Variants in HTR3A observed in about 807,000 individuals in gnomAD.
HTR3A encodes the protein 5-hydroxytryptamine (serotonin) receptor 3A, ionotropic.
In HTR3A, 45 loss-of-function variants were observed where a neutral mutation model predicts 54.8. The ratio of observed to expected loss-of-function variants is 0.82; its 90% CI spans 0.65 to 1.05. The LOEUF (loss-of-function observed/expected upper bound fraction) is 1.05. Among genes scored for constraint, HTR3A ranks in the 50% least tolerant of loss-of-function variants. The probability of loss-of-function intolerance (pLI) is 0.00; values close to 1 mark genes in which losing one functional copy is unlikely to be tolerated. For synonymous variants in HTR3A, 297 were observed against 256.0 expected (o/e 1.16, Z -1.53); for missense variants, 657 against 614.0 (o/e 1.07, Z -0.74).
chr11:113,980,952 G>A (rs985467814), intron 3 of HTR3A: 13 of 509,374 alleles, frequency 2.6e-5, no homozygotes, highest in South Asian at 1.1e-4. Flanking sequence ...CACAGCATTC[G>A]AAATGACTGA....
intron 8 of HTR3A, among the ~76,000 whole-genome samples, chr11:113,987,795 C>A (rs1950510167): frequency 6.6e-6 from 1 of 152,164 alleles, no homozygotes; most frequent in Non-Finnish European, 1.5e-5. Context: ...ATTTCAAACA[C>A]CTATGAGGCA....
At chr11:113,986,203 G>T in intron 6 of HTR3A, 28 bp downstream of exon 6, 1 of 1,613,660 alleles carries the variant, frequency 6.2e-7, no homozygotes. Flanking sequence ...TGGGTAAAAT[G>T]GTGAATAAAG....
chr11:113,983,421 C>A, intron 5 of HTR3A, 132 bp downstream of exon 5: 1 of 900,374 alleles, frequency 1.1e-6, no homozygotes, highest in Non-Finnish European at 1.8e-6. Flanking sequence ...GCTTCCTCAT[C>A]CTCTGCATGA....
Position 113,989,679 on chromosome 11 carries a change from G to A in HTR3A, c.1353G>A (p.Lys451=). Reference sequence around the variant, plus strand: ...TGCGCGTGGGCTCCGTGCTGGACAAGCTGCTATTCCACATTTACCTGCTAG... The same window carrying A: ...TGCGCGTGGGCTCCGTGCTGGACAAACTGCTATTCCACATTTACCTGCTAG... ...DWLRVGSVLD[K]LLFHIYLLAV... Residue 451 remains lysine, a synonymous_variant, in exon 9 of 9, where the codon AAG becomes AAA. Coordinates refer to ENST00000504030, the MANE Select transcript of HTR3A (RefSeq NM_000869.6). This position sits in a 1 kb window ranked among gnomAD's most constrained non-coding sequence, Gnocchi z 4.4. The A allele has an allele frequency of 6.2e-7, 1 of 1,614,194 alleles. No homozygotes were observed. Among genetic ancestry groups the A allele is most frequent in the South Asian group, 1.1e-5 (1 of 91,084 alleles).
Position 113,986,570 on chromosome 11 carries a change from G to T in HTR3A, c.758G>T (p.Ser253Ile). 1 of 1,613,198 alleles carries T rather than the reference G, an allele frequency of 6.2e-7. No homozygotes were observed. Among genetic ancestry groups the T allele is most frequent in the Non-Finnish European group, 8.5e-7 (1 of 1,180,022 alleles). Residue 253 changes from serine to isoleucine, a missense_variant, in exon 7 of 9, where the codon AGC becomes ATC. By Grantham distance (142) the Ser-to-Ile change is moderately radical. Coordinates refer to ENST00000504030, the MANE Select transcript of HTR3A (RefSeq NM_000869.6). ...LFYVVSLLLP[S>I]IFLMVMDIVG... The stretch of plus-strand genomic sequence containing the variant: ...TATGTGGTCAGCCTGCTACTGCCCA[G>T]CATCTTCCTCATGGTCATGGACATC...
Position 113,975,267 on chromosome 11 carries a change from GC to G in HTR3A, c.-56del, listed in dbSNP as rs1950338416. ...AGGTTGGCAGAGGGCAGGCAAGCTG[GC>G]CCTTGGTGGGCCTCGTCCTGAGCAC... On this transcript the variant is annotated 5_prime_UTR_variant, in exon 1 of 9. The change abolishes the stop of an existing upstream ORF in the 5' untranslated region. Transcript: ENST00000504030. 1 of 1,573,152 alleles carries G rather than the reference GC, an allele frequency of 6.4e-7. No individual in the cohort carries two copies. The highest frequency in any genetic ancestry group is 1.3e-5 in the African/African-American group (1 of 74,222).
chr11:113,987,151 C>T, intron 8 of HTR3A, 105 bp downstream of exon 8: 3 of 1,165,168 alleles, frequency 2.6e-6, no homozygotes, highest in Middle Eastern at 2.0e-4. Context: ...CTGTACTGCA[C>T]ATGGCATCCC....
At chr11:113,987,072 T>C (rs1186079987) in intron 8 of HTR3A, 26 bp downstream of exon 8, 2 of 1,608,724 alleles carry the variant, frequency 1.2e-6, no homozygotes, top group South Asian at 1.1e-5. Flanking sequence ...GAAGAGTCCA[T>C]ACAGAGGGGC....
chr11:113,977,851 C>T lies in HTR3A; in HGVS notation c.148C>T (p.Arg50Cys), dbSNP rs561794187. ...TTTGACCAACTACAGGAAGGGTGTGCGCCCCGTGAGGGACTGGAGGAAGCC... is the reference window on the plus strand; with the variant it reads ...TTTGACCAACTACAGGAAGGGTGTGTGCCCCGTGAGGGACTGGAGGAAGCC... ...YLLTNYRKGVRPVRDWRKPTT... is the reference protein window; with the variant it reads ...YLLTNYRKGVCPVRDWRKPTT... Residue 50 changes from arginine to cysteine, a missense_variant, in exon 2 of 9, where the codon CGC (arginine) becomes TGC (cysteine). Physicochemically the swap from Arg to Cys is radical, Grantham distance 180 (BLOSUM62 -3). Transcript: ENST00000504030. The T allele has an allele frequency of 1.6e-5, 26 of 1,614,094 alleles. No individual in the cohort carries two copies. Among genetic ancestry groups the T allele is most frequent in the Non-Finnish European group, 1.8e-5 (21 of 1,180,008 alleles).
intron 3 of HTR3A, among the ~76,000 whole-genome samples, chr11:113,980,874 A>G (rs1407409187): frequency 2.6e-5 from 4 of 152,272 alleles, no homozygotes; most frequent in Non-Finnish European, 4.4e-5. Context: ...TGATCTCCAT[A>G]TAAATATGTT....
chr11:113,988,112 A>G (rs1422014632), intron 8 of HTR3A, among the ~76,000 whole-genome samples: 1 of 151,646 alleles, frequency 6.6e-6, no homozygotes, highest in Non-Finnish European at 1.5e-5. Flanking sequence ...TCTCCACTCC[A>G]CTCCCCTTTG....
intron 5 of HTR3A, 106 bp downstream of exon 5, chr11:113,983,395 A>G: frequency 8.6e-7 from 1 of 1,167,330 alleles, no homozygotes; most frequent in East Asian, 2.3e-5. Context: ...CCAGCCTACT[A>G]ATGCCCTGGG....
At chr11:113,986,230 A>C (rs1950489963) in intron 6 of HTR3A, 55 bp downstream of exon 6, 2 of 1,604,134 alleles carry the variant, frequency 1.2e-6, no homozygotes, top group African/African-American at 2.7e-5. Context: ...ATCCAGGTAG[A>C]CTTAAGGAGG....
In HTR3A at chr11:113,987,003, GC is replaced by G. The variant is rs781300705; in HGVS notation, c.1100del (p.Pro367GlnfsTer93). The G allele has an allele frequency of 6.2e-7, 1 of 1,613,908 alleles. No homozygotes were observed. Among genetic ancestry groups the G allele is most frequent in the South Asian group, 1.1e-5 (1 of 91,080 alleles). ...CLREQSTSQR[P>X]PATSQATKTD... ...TGAGGGAGCAGTCAACTTCCCAGAG[GC>G]CCCCAGCCACCTCCCAAGCCACCAA... On this transcript the variant is annotated frameshift_variant, in exon 8 of 9. Coordinates refer to ENST00000504030, the MANE Select transcript of HTR3A (RefSeq NM_000869.6). LOFTEE classifies it high-confidence loss of function.
At chr11:113,983,379 A>T in intron 5 of HTR3A, 90 bp downstream of exon 5, 1 of 1,367,592 alleles carries the variant, frequency 7.3e-7, no homozygotes, top group Non-Finnish European at 1.0e-6. Context: ...GCGCCTTCTC[A>T]CGTATCCAGC....
rs758404468 is a variant in HTR3A, at chr11:113,977,935, C to T, written c.219+13C>T. The T allele has an allele frequency of 1.9e-6, 3 of 1,614,160 alleles. No homozygotes were observed. The South Asian group carries it at 3.3e-5, about 18-fold the overall frequency. On this transcript the variant is annotated intron_variant, in intron 2 of 8. Coordinates refer to ENST00000504030, the MANE Select transcript of HTR3A (RefSeq NM_000869.6). ...CATCCTCAACGTGGTGAGGCTCAGC[C>T]CCGAGCTGCACACAGGCAGACCTTT...
intron 5 of HTR3A, among the ~76,000 whole-genome samples, chr11:113,985,781 G>A (rs144333616): frequency 1.3e-5 from 2 of 152,078 alleles, no homozygotes; most frequent in East Asian, 1.9e-4. Context: ...TCTTTGCACC[G>A]TGCATTTTCA....
chr11:113,990,236 CT>C lies in HTR3A; in HGVS notation c.*475del, dbSNP rs908891623. 3 of 454,324 alleles carry C rather than the reference CT, an allele frequency of 6.6e-6. No individual in the cohort carries two copies. In the Admixed American group the frequency reaches 7.1e-5, roughly 11 times the overall value. The allele number at this position is 454,324 out of a possible 1,614,324, so 28.1% of individuals were successfully genotyped here. ...TAGTGTCTTTTTTTTCTTCACCTCA[CT>C]TGTGGCAGCTTCCCTGAACACTCAT... On this transcript the variant is annotated 3_prime_UTR_variant, in exon 9 of 9. Transcript: ENST00000504030.
rs1228678724 is a variant in HTR3A, at chr11:113,983,105, C to A, written c.375-15C>A. 1 of 1,614,186 alleles carries A rather than the reference C, an allele frequency of 6.2e-7. No individual in the cohort carries two copies. Among genetic ancestry groups the A allele is most frequent in the East Asian group, 2.2e-5 (1 of 44,884 alleles). On this transcript the variant is annotated splice_polypyrimidine_tract_variant and intron_variant, in intron 4 of 8. Coordinates refer to ENST00000504030, the MANE Select transcript of HTR3A (RefSeq NM_000869.6). ...GTCTCTTGAGCTCCCAAACTAACCC[C>A]TTTTCCCCCGCCAGCGTGGATGTGG...
Sources: allele counts gnomAD v4.1 joint callset (sites outside exome capture counted in the v4.1 genomes callset), GRCh38; gene constraint gnomAD v4.1.1; non-coding constraint Gnocchi (gnomAD v3.1); transcripts MANE v1.5; gene names NCBI Gene and HGNC (gene_info 2026-07-23, HGNC 2026-07-21).